The following FBXO47 variants were observed in gnomAD, a reference collection of about 807,000 sequenced individuals.
FBXO47 encodes the protein F-box protein 47, also known as F-box only protein 47.
A neutral mutation model predicts 53.9 loss-of-function variants in FBXO47; 34 were observed. The ratio of observed to expected loss-of-function variants is 0.63; its 90% CI spans 0.48 to 0.84. The LOEUF is 0.84. FBXO47 is among the 40% of genes least tolerant of loss of function. The probability of loss-of-function intolerance (pLI) is 0.00; values close to 1 mark genes in which losing one functional copy is unlikely to be tolerated. For missense variants in FBXO47, 485 were observed against 541.3 expected, an observed-to-expected ratio of 0.90 and a Z score of 1.03; for synonymous variants, 165 against 181.6, an observed-to-expected ratio of 0.91 and a Z score of 0.73.
intron 4 of FBXO47, among the ~76,000 whole-genome samples, chr17:38,956,591 C>CAAAAAA (rs1158036745): frequency 1.8e-5 from 1 of 55,944 alleles, no homozygotes. Context: ...TCTGTCTCAA[C>CAAAAAA]AAAAAAAAAA....
chr17:38,943,638 T>C lies in FBXO47; in HGVS notation c.892A>G (p.Lys298Glu). The change falls in exon 8 of 11, where the codon AAA (lysine) becomes GAA (glutamate). Residue 298 changes from lysine to glutamate, a missense_variant. Coordinates refer to ENST00000378079, the MANE Select transcript of FBXO47 (RefSeq NM_001008777.3). ...AIKLLYDAST[K>E]EWTADDVISL... The stretch of plus-strand genomic sequence containing the variant: ...ATAACATCATCTGCTGTCCACTCTT[T>C]AGTGCTAGCGTCATATAGTAACTTA... The C allele has an allele frequency of 1.2e-6, 2 of 1,608,474 alleles. No individual in the cohort carries two copies. The highest frequency in any genetic ancestry group is 2.2e-5 in the East Asian group (1 of 44,712).
intron 7 of FBXO47, 112 bp downstream of exon 7, chr17:38,944,848 A>ATGTGTGTGTGTGTGGGTGTGTGTG: frequency 1.6e-6 from 1 of 615,522 alleles, no homozygotes; most frequent in Non-Finnish European, 2.7e-6. Flanking sequence ...GCGTGCATGC[A>ATGTGTGTGTGTGTGGGTGTGTGTG]TGTGTGTGTG....
intron 6 of FBXO47, among the ~76,000 whole-genome samples, chr17:38,948,974 C>T (rs1239116481): frequency 6.6e-6 from 1 of 151,972 alleles, no homozygotes; most frequent in Non-Finnish European, 1.5e-5. Flanking sequence ...TGCTCTCCTT[C>T]CCCCAACCCC....
intron 7 of FBXO47, 113 bp downstream of exon 7, chr17:38,944,847 C>CGT (rs1462853688): frequency 1.0e-5 from 4 of 400,424 alleles, no homozygotes; most frequent in African/African-American, 9.6e-5. Context: ...TGCGTGCATG[C>CGT]ATGTGTGTGT....
rs1904400904 is a variant in FBXO47 at position 38,939,379 on chromosome 17, A to T, written c.1084-647T>A. 2.8e-5 allele frequency among the ~76,000 whole-genome samples: 4 copies of T among 143,012 alleles called. No individual in the cohort carries two copies. In the South Asian group the frequency reaches 8.6e-4, roughly 31 times the overall value. 93.8% of individuals were successfully genotyped at this position (143,012 alleles called of 152,430 possible). The stretch of plus-strand genomic sequence containing the variant: ...AACAGTTACTGAACATAGAAAAAAA[A>T]TTTCTGCTCATTTACTCATTCAATA... On this transcript the variant is annotated intron_variant, in intron 9 of 10. Coordinates refer to ENST00000378079, the MANE Select transcript of FBXO47 (RefSeq NM_001008777.3).
intron 6 of FBXO47, among the ~76,000 whole-genome samples, chr17:38,946,885 T>TATATAA (rs1904932787): frequency 1.8e-5 from 2 of 109,506 alleles, no homozygotes; most frequent in African/African-American, 7.9e-5. Flanking sequence ...TATATATAAA[T>TATATAA]ATATATATAA....
chr17:38,957,711 T>G (rs1482300715), intron 3 of FBXO47, among the ~76,000 whole-genome samples: 3 of 151,602 alleles, frequency 2.0e-5, no homozygotes, highest in African/African-American at 7.3e-5. Context: ...TTTTTTTTTT[T>G]TTTTTGAGAC....
rs755742569 is a variant in FBXO47 at position 38,942,818 on chromosome 17, C to T, written c.1043G>A (p.Arg348His). 5 of 1,613,216 alleles carry T rather than the reference C, an allele frequency of 3.1e-6. No homozygotes were observed. Among genetic ancestry groups the T allele is most frequent in the Non-Finnish European group, 4.2e-6 (5 of 1,179,716 alleles). The change falls in exon 9 of 11, where the codon CGC becomes CAC. Residue 348 changes from arginine (R) to histidine (H), a missense_variant. Arg to His is a conservative substitution (Grantham distance 29). Transcript: ENST00000378079. ...SFMASKAVNG[R>H]TIELARLVVF... ...TACGAGCCTTGCCAGTTCAATGGTGCGTCCATTCACAGCTTTACTAGCCAT... is the reference window on the plus strand; with the variant it reads ...TACGAGCCTTGCCAGTTCAATGGTGTGTCCATTCACAGCTTTACTAGCCAT...
chr17:38,940,192 G>A (rs1316175162), intron 9 of FBXO47, among the ~76,000 whole-genome samples: 2 of 151,874 alleles, frequency 1.3e-5, no homozygotes, highest in Non-Finnish European at 2.9e-5. Flanking sequence ...TTTGGGAGAT[G>A]ACCTACTCCA....
At position 38,936,806 on chromosome 17, in the gene FBXO47, C is replaced by T. The variant is rs750098782; in HGVS notation, c.*369G>A. 2.3e-4 allele frequency: 38 copies of T among 162,978 alleles called. No homozygotes were observed. Among genetic ancestry groups the T allele is most frequent in the Non-Finnish European group, 4.4e-4 (33 of 75,660 alleles). 10.1% of individuals were successfully genotyped at this position (162,978 alleles called of 1,614,324 possible). On this transcript the variant is annotated 3_prime_UTR_variant, in exon 11 of 11. Coordinates refer to ENST00000378079, the MANE Select transcript of FBXO47 (RefSeq NM_001008777.3). ...AACTTAAACAAAGTGAACATACACA[C>T]TATTTAGTGAATTTGGGTCTAACTA...
rs1567717017 is a variant in FBXO47, at chr17:38,946,629, T to TGAATATATAAATATATATAAATATATAA, written c.617-1494_617-1493insTTATATATTTATATATATTTATATATTC. Among the ~76,000 whole-genome samples the TGAATATATAAATATATATAAATATATAA allele has an allele frequency of 1.5e-3, 36 of 24,188 alleles. 1 individual carries two copies. Among genetic ancestry groups the TGAATATATAAATATATATAAATATATAA allele is most frequent in the Non-Finnish European group, 2.1e-3 (33 of 15,712 alleles). The allele number at this position is 24,188 out of a possible 152,430, so 15.9% of individuals were successfully genotyped here. ...ATATATATAACTATATAAATATATA[T>TGAATATATAAATATATATAAATATATAA]GAATATATAAATATATATAAATATA... On this transcript the variant is annotated intron_variant, in intron 6 of 10. Coordinates refer to ENST00000378079, the MANE Select transcript of FBXO47 (RefSeq NM_001008777.3).
Position 38,942,613 on chromosome 17 carries a change from G to C in FBXO47, c.1083+165C>G, listed in dbSNP as rs575802495. Among the ~76,000 whole-genome samples the C allele has an allele frequency of 9.9e-5, 15 of 152,028 alleles. 1 individual carries two copies. The East Asian group carries it at 2.3e-3, about 24-fold the overall frequency. On this transcript the variant is annotated intron_variant, in intron 9 of 10. Transcript: ENST00000378079. ...TCTCAAAAAACAAAACAAAACAAAA[G>C]AAAACATATGTTTTAATATTTTGAA...
intron 3 of FBXO47, 106 bp from the exon 4 acceptor site, chr17:38,957,359 G>A: frequency 1.4e-6 from 1 of 698,412 alleles, no homozygotes; most frequent in Non-Finnish European, 2.5e-6. Flanking sequence ...ATATCACAGT[G>A]GACTATGAGT....
At chr17:38,952,815 C>CTT (rs139105548) in intron 5 of FBXO47, among the ~76,000 whole-genome samples, 24 of 115,352 alleles carry the variant, frequency 2.1e-4, no homozygotes, top group Middle Eastern at 4.5e-3. Context: ...TTATTTATGA[C>CTT]TTTTTTTTTT....
rs374089075 is a variant in FBXO47, at chr17:38,945,000, T to C, written c.753A>G (p.Arg251=). The change falls in exon 7 of 11, where the codon AGA becomes AGG. Residue 251 remains arginine (R), a synonymous_variant. Coordinates refer to ENST00000378079, the MANE Select transcript of FBXO47 (RefSeq NM_001008777.3). ...TTGGCCCAAAGATGATATACAGTAATCTTGCCTGATTCACCATTGGCCATG... is the reference window on the plus strand; with the variant it reads ...TTGGCCCAAAGATGATATACAGTAACCTTGCCTGATTCACCATTGGCCATG... ...LKPWPMVNQA[R]LLYIIFGPIS... is the part of the protein sequence containing the mutation. 3.1e-6 allele frequency: 5 copies of C among 1,614,038 alleles called. No individual in the cohort carries two copies. The highest frequency in any genetic ancestry group is 1.7e-5 in the Admixed American group (1 of 59,982).
chr17:38,945,132 A>G lies in FBXO47; in HGVS notation c.621T>C (p.Ser207=), dbSNP rs755227878. Reference sequence around the variant, plus strand: ...TGATTCTTAACTCCAGTTTTTGGGCACTTCCTATGAAGACAAAAGAATTGT... The same window carrying G: ...TGATTCTTAACTCCAGTTTTTGGGCGCTTCCTATGAAGACAAAAGAATTGT... ...IQMAVCSKPG[S]AQKLELRIRL... is the part of the protein sequence containing the mutation. Residue 207 remains serine, a synonymous_variant, in exon 7 of 11, where the codon AGT becomes AGC. Transcript: ENST00000378079. The G allele has an allele frequency of 1.2e-6, 2 of 1,607,000 alleles. No individual in the cohort carries two copies. Among genetic ancestry groups the G allele is most frequent in the South Asian group, 1.1e-5 (1 of 90,864 alleles).
chr17:38,941,341 T>C (rs1904497136), intron 9 of FBXO47, among the ~76,000 whole-genome samples: 1 of 151,118 alleles, frequency 6.6e-6, no homozygotes, highest in Admixed American at 6.6e-5. Context: ...GGCTAATTTT[T>C]GTATTTTTAG....
At chr17:38,942,752 C>A in intron 9 of FBXO47, 26 bp downstream of exon 9, 2 of 1,593,458 alleles carry the variant, frequency 1.3e-6, no homozygotes, top group South Asian at 1.1e-5. Context: ...AAAAAACTTG[C>A]TAGAGAAAAA....
chr17:38,953,241 C>A (rs1366771079), intron 5 of FBXO47, among the ~76,000 whole-genome samples: 1 of 151,330 alleles, frequency 6.6e-6, no homozygotes, highest in Non-Finnish European at 1.5e-5. Context: ...ATCACTTGAA[C>A]CCGGGAGGCC....
Sources: allele counts gnomAD v4.1 joint callset (sites outside exome capture counted in the v4.1 genomes callset), GRCh38; gene constraint gnomAD v4.1.1; transcripts MANE v1.5; gene names NCBI Gene and HGNC (gene_info 2026-07-23, HGNC 2026-07-21).